EP300: variants seen among roughly 807,000 people sequenced by gnomAD.
EP300 encodes histone acetyltransferase p300.
Under a neutral mutation model 264.0 loss-of-function variants are expected in EP300, and 31 were observed. The observed-to-expected ratio is 0.12, with a 90% CI of 0.09 to 0.16. EP300 has a LOEUF of 0.16. Ranked by LOEUF, EP300 falls within the 10% of genes least tolerant of loss-of-function variation. EP300 has a pLI of 1.00. For missense variants in EP300, 2,766 were observed against 3,052.9 expected (o/e 0.91, Z 2.21); for synonymous variants, 1,340 against 1,045.4 (o/e 1.28, Z -5.44).
At chr22:41,099,522 C>A (rs1486505505) in intron 1 of EP300, among the ~76,000 whole-genome samples, 2 of 152,222 alleles carry the variant, frequency 1.3e-5, no homozygotes, top group Non-Finnish European at 2.9e-5. Context: ...ACTTGTCATG[C>A]ACTGTGGCTG....
At chr22:41,170,638 T>C (rs772286612) in intron 27 of EP300, 67 bp downstream of exon 27, 140 of 1,413,480 alleles carry the variant, frequency 9.9e-5, no homozygotes, top group Admixed American at 1.6e-4. Context: ...TGCTGCTCTT[T>C]GTTCTGTCAT....
intron 21 of EP300, 87 bp from the exon 22 acceptor site, chr22:41,163,966 G>T (rs991152779): frequency 9.8e-6 from 12 of 1,224,866 alleles, no homozygotes; most frequent in Admixed American, 6.7e-5. Context: ...GACCTTGGCT[G>T]TCTTTGTCAG....
chr22:41,129,836 A>G (rs1601606096), intron 4 of EP300, 54 bp from the exon 5 acceptor site: 1 of 1,350,858 alleles, frequency 7.4e-7, no homozygotes, highest in Non-Finnish European at 1.1e-6. Context: ...GTTAGCTATT[A>G]TTAATGTAAA....
intron 29 of EP300, chr22:41,174,875 T>G (rs188102682): frequency 6.6e-6 from 1 of 152,184 alleles, no homozygotes; most frequent in East Asian, 1.9e-4. Context: ...GAATTTGTTA[T>G]AATGATGTTA....
rs117734655 is a variant in EP300, at chr22:41,133,998, G to C, written c.1529-1815G>C. 9.0e-3 allele frequency among the ~76,000 whole-genome samples: 1,370 copies of C among 152,214 alleles called. 11 individuals are homozygous for C. The highest frequency in any genetic ancestry group is 0.014 in the Non-Finnish European group (941 of 68,004). ...GCTAGATAGTGACATGGAGCTTCTT[G>C]TATTCAAGTTTGTAAGTCAGATTTT... On this transcript the variant is annotated intron_variant, in intron 6 of 30. Transcript: ENST00000263253.
Position 41,152,026 on chromosome 22 carries a change from A to AATT in EP300, c.2997+16_2997+18dup, listed in dbSNP as rs2059048974. On this transcript the variant is annotated intron_variant, in intron 15 of 30. Coordinates refer to ENST00000263253, the MANE Select transcript of EP300 (RefSeq NM_001429.4). ...GATATTTCAGAGGTGAGAGTAGGGCAATTACTGTTTGATTTGGTTAGGACC... is the reference window on the plus strand; with the variant it reads ...GATATTTCAGAGGTGAGAGTAGGGCAATTATTACTGTTTGATTTGGTTAGGACC... The AATT allele has an allele frequency of 6.2e-7, 1 of 1,614,136 alleles. No individual in the cohort carries two copies. Among genetic ancestry groups the AATT allele is most frequent in the Non-Finnish European group, 8.5e-7 (1 of 1,179,970 alleles).
At chr22:41,101,752 G>C (rs780360739) in intron 1 of EP300, among the ~76,000 whole-genome samples, 5 of 152,082 alleles carry the variant, frequency 3.3e-5, no homozygotes, top group Non-Finnish European at 5.9e-5. Flanking sequence ...ATGGAGTCTT[G>C]CTGTGTTGCC....
intron 2 of EP300, among the ~76,000 whole-genome samples, chr22:41,122,923 C>G (rs1041213746): frequency 6.6e-6 from 1 of 152,086 alleles, no homozygotes; most frequent in Admixed American, 6.6e-5. Context: ...GTAGTCCCAT[C>G]TGCTTGGGAG....
At chr22:41,119,172 A>ATTTTTTTTTTTTT (rs796885809) in intron 2 of EP300, among the ~76,000 whole-genome samples, 1 of 107,274 alleles carries the variant, frequency 9.3e-6, no homozygotes, top group African/African-American at 4.4e-5. Flanking sequence ...CTGGCTTATT[A>ATTTTTTTTTTTTT]TTATTTTTTT....
At chr22:41,126,168 TTGA>T in intron 3 of EP300, 128 bp downstream of exon 3, 2 of 916,458 alleles carry the variant, frequency 2.2e-6, no homozygotes, top group East Asian at 2.5e-5. Flanking sequence ...TGATATGTAC[TTGA>T]TGATCCCTGT....
Position 41,092,664 on chromosome 22 carries a change from G to T in EP300, c.-341G>T, listed in dbSNP as rs1381923217. ...CGGAGCTCCGAGAGACCTCGGCTGG[G>T]CAGGGGCCGGCCGTGGCGGGCCGGG... On this transcript the variant is annotated 5_prime_UTR_variant, in exon 1 of 31. Transcript: ENST00000263253. 9.5e-6 allele frequency: 6 copies of T among 633,798 alleles called. No homozygotes were observed. The highest frequency in any genetic ancestry group is 2.8e-5 in the Admixed American group (1 of 35,612). 39.3% of individuals were successfully genotyped at this position (633,798 alleles called of 1,614,324 possible). A position where few individuals can be genotyped will look rare whatever the true frequency, so the allele number is the denominator to read the frequency against.
intron 28 of EP300, 75 bp from the exon 29 acceptor site, chr22:41,173,548 G>C (rs890616209): frequency 6.9e-7 from 1 of 1,440,832 alleles, no homozygotes; most frequent in African/African-American, 1.4e-5. Flanking sequence ...TTTCAAAGAA[G>C]GGAGATATTC....
In EP300 at chr22:41,158,024, T is replaced by C. The variant is rs576409429; in HGVS notation, c.3502-388T>C. Among the ~76,000 whole-genome samples, 6 of 152,366 alleles carry C rather than the reference T, an allele frequency of 3.9e-5. No homozygotes were observed. The East Asian group carries it at 1.2e-3, about 29-fold the overall frequency. On this transcript the variant is annotated intron_variant, in intron 18 of 30. Transcript: ENST00000263253. ...ATTCCTCAGCATGTGCTGGCTTTCC[T>C]GTACATACCAATTCACATTATTGGT...
intron 19 of EP300, 188 bp from the exon 20 acceptor site, chr22:41,160,454 A>G: frequency 1.8e-6 from 1 of 554,782 alleles, no homozygotes; most frequent in Non-Finnish European, 3.2e-6. Flanking sequence ...AAAAACAAAC[A>G]AAAAAACCAA....
intron 2 of EP300, among the ~76,000 whole-genome samples, chr22:41,123,966 G>C (rs2058866608): frequency 1.3e-5 from 2 of 152,170 alleles, no homozygotes; most frequent in Admixed American, 1.3e-4. Flanking sequence ...AGTACAGAGG[G>C]AGCCGGCACA....
chr22:41,099,362 T>TC (rs1257932828), intron 1 of EP300, among the ~76,000 whole-genome samples: 2 of 152,086 alleles, frequency 1.3e-5, no homozygotes, highest in East Asian at 1.9e-4. Flanking sequence ...TATACAGTAG[T>TC]CCCCCCTTAT....
chr22:41,106,127 T>C (rs951817023), intron 1 of EP300, among the ~76,000 whole-genome samples: 2 of 152,214 alleles, frequency 1.3e-5, no homozygotes, highest in African/African-American at 4.8e-5. Context: ...AATGAAGTAC[T>C]GAATAGAGGT....
intron 10 of EP300, among the ~76,000 whole-genome samples, chr22:41,146,055 G>A (rs2059008969): frequency 6.6e-6 from 1 of 151,834 alleles, no homozygotes; most frequent in African/African-American, 2.4e-5. Context: ...ATCAAATTCG[G>A]CCACCATTAG....
rs1481584962 is a variant in EP300, at chr22:41,125,807, A to C, written c.730-57A>C. 5.8e-6 allele frequency: 9 copies of C among 1,555,362 alleles called. No individual in the cohort carries two copies. In the East Asian group the frequency reaches 1.6e-4, roughly 27 times the overall value. ...ACTTGGAAGTGAAATCAGAAAAGGA[A>C]TAATAATGTCTTAAATTTTATTGCT... On this transcript the variant is annotated intron_variant, in intron 2 of 30. Coordinates refer to ENST00000263253, the MANE Select transcript of EP300 (RefSeq NM_001429.4).
Sources: allele counts gnomAD v4.1 joint callset (sites outside exome capture counted in the v4.1 genomes callset), GRCh38; gene constraint gnomAD v4.1.1; transcripts MANE v1.5; gene names NCBI Gene and HGNC (gene_info 2026-07-23, HGNC 2026-07-21).